ROBO2: variants seen among roughly 807,000 people sequenced by gnomAD.
The protein encoded by ROBO2 is roundabout homolog 2.
In ROBO2, 53 loss-of-function variants were observed where a neutral mutation model predicts 160.8. The ratio of observed to expected loss-of-function variants is 0.33; its 90% CI spans 0.26 to 0.41. The LOEUF is 0.41. Ranked by LOEUF, ROBO2 falls within the 10% of genes least tolerant of loss-of-function variation. The pLI is 1.00. For synonymous variants in ROBO2, 664 were observed against 611.7 expected, an observed-to-expected ratio of 1.09 and a Z score of -1.26; for missense variants, 1,577 against 1,722.4, an observed-to-expected ratio of 0.92 and a Z score of 1.49.
intron 2 of ROBO2, among the ~76,000 whole-genome samples, chr3:76,009,508 G>A (rs1389498926): frequency 6.6e-6 from 1 of 152,100 alleles, no homozygotes; most frequent in Admixed American, 6.6e-5. Context: ...CATATTCTGG[G>A]GTAGCATGTT....
At chr3:76,520,293 A>G (rs2081540243) in intron 2 of ROBO2, among the ~76,000 whole-genome samples, 2 of 152,300 alleles carry the variant, frequency 1.3e-5, no homozygotes. Flanking sequence ...TCTACTAAAA[A>G]TACAAAAATT....
At chr3:77,573,113 G>A (rs896197316) in intron 13 of ROBO2, among the ~76,000 whole-genome samples, 1 of 151,836 alleles carries the variant, frequency 6.6e-6, no homozygotes, top group Non-Finnish European at 1.5e-5. Context: ...TCAAATTTAA[G>A]CCTTGTTAGA....
At chr3:77,485,609 T>A (rs552100035) in intron 4 of ROBO2, among the ~76,000 whole-genome samples, 29 of 152,230 alleles carry the variant, frequency 1.9e-4, no homozygotes, top group Admixed American at 3.3e-4. Context: ...TTAATTTTTT[T>A]AAATTTTTCT....
At chr3:77,133,808 A>G (rs2076054794) in intron 2 of ROBO2, among the ~76,000 whole-genome samples, 1 of 152,194 alleles carries the variant, frequency 6.6e-6, no homozygotes, top group Non-Finnish European at 1.5e-5. Flanking sequence ...TTTGTTTGTT[A>G]TATATGTTGG....
intron 2 of ROBO2, among the ~76,000 whole-genome samples, chr3:76,642,934 A>G (rs2090772394): frequency 6.6e-6 from 1 of 152,206 alleles, no homozygotes; most frequent in Non-Finnish European, 1.5e-5. Context: ...AAATAATGAC[A>G]GACAGTTACT....
intron 2 of ROBO2, among the ~76,000 whole-genome samples, chr3:76,382,345 T>C (rs1192863814): frequency 6.6e-6 from 1 of 152,100 alleles, no homozygotes; most frequent in Non-Finnish European, 1.5e-5. Context: ...TCCCAGCACT[T>C]TGGGAGGCCG....
At chr3:76,466,683 T>C (rs561364557) in intron 2 of ROBO2, among the ~76,000 whole-genome samples, 58 of 152,174 alleles carry the variant, frequency 3.8e-4, no homozygotes, top group African/African-American at 1.4e-3. Flanking sequence ...TGGCTAGCTT[T>C]CAGCATGTTT....
In ROBO2 at chr3:76,912,518, C is replaced by G. The variant is rs537141053; in HGVS notation, c.110-185496C>G. ...TAAATAAAATATTTTACAAGCCTATCAACTTTATCAGCATGTAATAATCAG... is the reference window on the plus strand; with the variant it reads ...TAAATAAAATATTTTACAAGCCTATGAACTTTATCAGCATGTAATAATCAG... On this transcript the variant is annotated intron_variant, in intron 2 of 26. Coordinates refer to the ROBO2 transcript ENST00000487694. 3.3e-5 allele frequency among the ~76,000 whole-genome samples: 5 copies of G among 152,216 alleles called. No individual in the cohort carries two copies. In the South Asian group the frequency reaches 6.2e-4, roughly 19 times the overall value.
At chr3:76,136,376 A>G (rs2071430530) in intron 2 of ROBO2, among the ~76,000 whole-genome samples, 1 of 151,914 alleles carries the variant, frequency 6.6e-6, no homozygotes, top group Non-Finnish European at 1.5e-5. Context: ...CTTAAAATGA[A>G]CAGTGTTCAG....
intron 2 of ROBO2, among the ~76,000 whole-genome samples, chr3:76,605,483 T>C (rs955316537): frequency 2.0e-5 from 3 of 152,220 alleles, no homozygotes; most frequent in Admixed American, 6.5e-5. Context: ...AAACTAACAA[T>C]TGTTCATGTG....
At chr3:77,211,586 C>A (rs1294597927) in intron 2 of ROBO2, among the ~76,000 whole-genome samples, 1 of 152,094 alleles carries the variant, frequency 6.6e-6, no homozygotes, top group Non-Finnish European at 1.5e-5. Context: ...TAATTAGATC[C>A]CATTTGTCAA....
At chr3:76,257,169 A>G (rs1267914337) in intron 2 of ROBO2, among the ~76,000 whole-genome samples, 1 of 152,286 alleles carries the variant, frequency 6.6e-6, no homozygotes, top group Non-Finnish European at 1.5e-5. Context: ...ATTACAACTC[A>G]ACATGAGACT....
At position 76,491,938 on chromosome 3, in the gene ROBO2, T is replaced by C. The variant is rs571825844; in HGVS notation, c.109+554336T>C. Among the ~76,000 whole-genome samples, 27 of 152,118 alleles carry C rather than the reference T, an allele frequency of 1.8e-4. No individual in the cohort carries two copies. The South Asian group carries it at 5.0e-3, about 28-fold the overall frequency. On this transcript the variant is annotated intron_variant, in intron 2 of 26. Coordinates refer to the ROBO2 transcript ENST00000487694. ...GGTGAAACCCAGTCTCTACTAAAAA[T>C]ACAAACAAACAAACAAAAAAATTAG... is the stretch of plus-strand genomic sequence containing the variant.
chr3:77,569,623 TA>T (rs1255331390), intron 13 of ROBO2, among the ~76,000 whole-genome samples: 1 of 152,030 alleles, frequency 6.6e-6, no homozygotes, highest in Non-Finnish European at 1.5e-5. Context: ...ATCAGATACG[TA>T]ATTTGCAAAC....
intron 16 of ROBO2, among the ~76,000 whole-genome samples, chr3:77,586,045 G>T (rs759056821): frequency 2.0e-5 from 3 of 152,028 alleles, no homozygotes; most frequent in Non-Finnish European, 4.4e-5. Flanking sequence ...CTTCCAGAAA[G>T]TTCCATTAAG....
intron 2 of ROBO2, among the ~76,000 whole-genome samples, chr3:77,137,056 T>C (rs2076337258): frequency 6.6e-6 from 1 of 152,204 alleles, no homozygotes; most frequent in Admixed American, 6.5e-5. Context: ...AGTGCTGGGA[T>C]TGCGGGTGTG....
intron 2 of ROBO2, among the ~76,000 whole-genome samples, chr3:76,381,078 G>A (rs2076597977): frequency 6.6e-6 from 1 of 150,998 alleles, no homozygotes; most frequent in Non-Finnish European, 1.5e-5. Flanking sequence ...ATTTCAAAGT[G>A]TTTGAAAGGA....
chr3:76,337,236 G>C lies in ROBO2; in HGVS notation c.109+399634G>C, dbSNP rs370179505. 2.6e-5 allele frequency among the ~76,000 whole-genome samples: 4 copies of C among 152,114 alleles called. No homozygotes were observed. The South Asian group carries it at 8.3e-4, about 31-fold the overall frequency. The stretch of plus-strand genomic sequence containing the variant: ...TTGGCCCACTGCAAATTATCAGTGA[G>C]ATGAGCAGCAGAAACTCAAGTGACA... On this transcript the variant is annotated intron_variant, in intron 2 of 26. Coordinates refer to the ROBO2 transcript ENST00000487694.
At chr3:77,312,296 A>T (rs1026085024) in intron 2 of ROBO2, among the ~76,000 whole-genome samples, 3 of 152,158 alleles carry the variant, frequency 2.0e-5, no homozygotes, top group African/African-American at 7.2e-5. Flanking sequence ...CAAAACAACC[A>T]GTCAGTGGTT....
Sources: allele counts gnomAD v4.1 joint callset (sites outside exome capture counted in the v4.1 genomes callset), GRCh38; gene constraint gnomAD v4.1.1; transcripts MANE v1.5; gene names NCBI Gene and HGNC (gene_info 2026-07-23, HGNC 2026-07-21).